The following ZNF337 variants were observed in gnomAD, a reference collection of about 807,000 sequenced individuals.
ZNF337 encodes the protein zinc finger protein 337.
In ZNF337, 8 loss-of-function variants were observed where a neutral mutation model predicts 12.1. That is an observed-to-expected ratio of 0.66 (90% confidence interval 0.39 to 1.19). The LOEUF (loss-of-function observed/expected upper bound fraction) is 1.19, where lower values mean the gene tolerates loss of function less well. ZNF337 is among the 50% of genes most tolerant of loss of function. The probability of loss-of-function intolerance (pLI) is 0.01; values close to 1 mark genes in which losing one functional copy is unlikely to be tolerated. For synonymous variants in ZNF337, 336 were observed against 320.0 expected, an observed-to-expected ratio of 1.05 and a Z score of -0.53; for missense variants, 882 against 896.6, an observed-to-expected ratio of 0.98 and a Z score of 0.21.
chr20:25,689,208 G>A (rs2065863215), intron 1 of ZNF337, among the ~76,000 whole-genome samples: 1 of 152,090 alleles, frequency 6.6e-6, no homozygotes, highest in African/African-American at 2.4e-5. Flanking sequence ...GGAGTCTGAG[G>A]CAGGAGAATG....
intron 1 of ZNF337, among the ~76,000 whole-genome samples, chr20:25,696,087 T>TCCCCCCCCCCCCCCCCCC (rs149644721): frequency 1.9e-5 from 1 of 52,106 alleles, no homozygotes. Context: ...CCCACGCAGA[T>TCCCCCCCCCCCCCCCCCC]CCCCCCCCCC....
intron 3 of ZNF337, 29 bp from the exon 4 acceptor site, chr20:25,685,691 G>C: frequency 1.3e-6 from 2 of 1,586,072 alleles, no homozygotes; most frequent in Non-Finnish European, 8.7e-7. Flanking sequence ...ACCATGAGGT[G>C]ACTCCTGGTT....
Position 25,676,349 on chromosome 20 carries a change from C to T in ZNF337, c.939G>A (p.Ala313=), listed in dbSNP as rs767602521. The change falls in exon 5 of 5, where the codon GCG becomes GCA. Residue 313 remains alanine (A), a synonymous_variant. Coordinates refer to ENST00000252979, the MANE Select transcript of ZNF337 (RefSeq NM_015655.4). The part of the protein sequence containing the change: ...DKSSYNKHLK[A]HSGEKPFVCK... Reference sequence around the variant, plus strand: ...ACACAAAAGGCTTCTCCCCTGAATGCGCCTTCAAGTGCTTGTTGTATGAGG... The same window carrying T: ...ACACAAAAGGCTTCTCCCCTGAATGTGCCTTCAAGTGCTTGTTGTATGAGG... The T allele has an allele frequency of 2.5e-5, 40 of 1,612,366 alleles. No individual in the cohort carries two copies. The highest frequency in any genetic ancestry group is 6.7e-5 in the East Asian group (3 of 44,768).
intron 1 of ZNF337, among the ~76,000 whole-genome samples, chr20:25,687,150 A>C (rs549020927): frequency 2.9e-4 from 44 of 152,338 alleles, no homozygotes; most frequent in Non-Finnish European, 5.4e-4. Context: ...TTTTAAAAAC[A>C]TGAGCCCTTC....
intron 4 of ZNF337, among the ~76,000 whole-genome samples, chr20:25,681,483 A>G (rs1490169004): frequency 6.6e-6 from 1 of 152,130 alleles, no homozygotes; most frequent in African/African-American, 2.4e-5. Flanking sequence ...TTTGCAGACA[A>G]TAGGACAAAG....
chr20:25,696,649 G>A (rs1433985148), intron 1 of ZNF337, 110 bp downstream of exon 1: 1 of 777,394 alleles, frequency 1.3e-6, no homozygotes, highest in African/African-American at 1.9e-5. Flanking sequence ...GGGCCTGGAG[G>A]AGCGCGCGCT....
In ZNF337 at chr20:25,696,668, A is replaced by T. The variant is rs189339807; in HGVS notation, c.-50+91T>A. 1.1e-4 allele frequency: 96 copies of T among 879,398 alleles called. 1 individual carries two copies. The East Asian group carries it at 9.4e-3, about 86-fold the overall frequency. 54.5% of individuals were successfully genotyped at this position (879,398 alleles called of 1,614,324 possible). ...CTGGAGGAGCGCGCGCTACGGCCCC[A>T]GCAGCGCCCTCACGTCCCAGGCCTT... On this transcript the variant is annotated intron_variant, in intron 1 of 4. Transcript: ENST00000252979.
Position 25,675,001 on chromosome 20 carries a change from T to C in ZNF337, c.*31A>G, listed in dbSNP as rs778026408. 2.5e-6 allele frequency: 4 copies of C among 1,588,388 alleles called. No homozygotes were observed. The East Asian group carries it at 6.7e-5, about 27-fold the overall frequency. ...AACAAAGCAAAGTTACTCTCCTGAGTGTGTCCTCTGATGGATGGTGAGATA... is the reference window on the plus strand; with the variant it reads ...AACAAAGCAAAGTTACTCTCCTGAGCGTGTCCTCTGATGGATGGTGAGATA... On this transcript the variant is annotated 3_prime_UTR_variant, in exon 5 of 5. Coordinates refer to ENST00000252979, the MANE Select transcript of ZNF337 (RefSeq NM_015655.4).
intron 1 of ZNF337, among the ~76,000 whole-genome samples, chr20:25,691,162 G>A (rs545888904): frequency 5.3e-5 from 8 of 152,214 alleles, no homozygotes; most frequent in Non-Finnish European, 1.2e-4. Flanking sequence ...TTCTGGACCC[G>A]AAAACACAGT....
In ZNF337 at chr20:25,676,833, A is replaced by G; in HGVS notation, c.455T>C (p.Ile152Thr). Residue 152 changes from isoleucine to threonine, a missense_variant, in exon 5 of 5, where the codon ATA becomes ACA. Transcript: ENST00000252979. ...TTCCCTCTGGCCTTGACTAGACTCT[A>G]TTTCCACTACACTGTTCCTCCTCCT... ...SSRRRNSVVE[I>T]ESSQGQRENP... 1 of 1,613,934 alleles carries G rather than the reference A, an allele frequency of 6.2e-7. No individual in the cohort carries two copies.
At chr20:25,679,502 A>G (rs2065745080) in intron 4 of ZNF337, among the ~76,000 whole-genome samples, 1 of 152,220 alleles carries the variant, frequency 6.6e-6, no homozygotes, top group Admixed American at 6.5e-5. Flanking sequence ...AAGTGGGAAA[A>G]GGATCTGAAT....
At chr20:25,689,855 C>T (rs2122456068) in intron 1 of ZNF337, among the ~76,000 whole-genome samples, 1 of 152,236 alleles carries the variant, frequency 6.6e-6, no homozygotes, top group Non-Finnish European at 1.5e-5. Context: ...ACAGAAAAAG[C>T]ATTAATCATA....
chr20:25,685,095 T>G, intron 4 of ZNF337, among the ~76,000 whole-genome samples: 1 of 149,650 alleles, frequency 6.7e-6, no homozygotes, highest in Non-Finnish European at 1.5e-5. Flanking sequence ...CTGCATGTTG[T>G]GCACATATAC....
chr20:25,677,548 TTTTGAGACAGGGTCTC>T (rs1238094081), intron 4 of ZNF337: 1 of 152,852 alleles, frequency 6.5e-6, no homozygotes, highest in African/African-American at 2.4e-5. Flanking sequence ...AACTTTTTTT[TTTTGAGACAGGGTCTC>T]ACTCTGTCAC....
chr20:25,676,310 C>G lies in ZNF337; in HGVS notation c.978G>C (p.Gly326=), dbSNP rs2065687822. 1 of 1,613,400 alleles carries G rather than the reference C, an allele frequency of 6.2e-7. No individual in the cohort carries two copies. The highest frequency in any genetic ancestry group is 8.5e-7 in the Non-Finnish European group (1 of 1,179,794). Residue 326 remains glycine, a synonymous_variant, in exon 5 of 5, where the codon GGG becomes GGC. Coordinates refer to ENST00000252979, the MANE Select transcript of ZNF337 (RefSeq NM_015655.4). The part of the protein sequence containing the change: ...GEKPFVCKEC[G]RGYTNKSYFV... ...AGTATGACTTATTAGTATAGCCTCG[C>G]CCACACTCCTTGCACACAAAAGGCT...
intron 1 of ZNF337, among the ~76,000 whole-genome samples, chr20:25,687,597 T>C (rs1294237607): frequency 6.6e-6 from 1 of 151,976 alleles, no homozygotes; most frequent in Non-Finnish European, 1.5e-5. Context: ...GAAAAGAAAA[T>C]AAAACTAGGG....
intron 1 of ZNF337, among the ~76,000 whole-genome samples, chr20:25,695,261 A>G (rs1053134732): frequency 6.6e-6 from 1 of 151,982 alleles, no homozygotes; most frequent in African/African-American, 2.4e-5. Flanking sequence ...ACAGAGCAAG[A>G]CTCTCTCTAA....
At position 25,685,629 on chromosome 20, in the gene ZNF337, C is replaced by T. The variant is rs147285771; in HGVS notation, c.188G>A (p.Arg63Gln). The T allele has an allele frequency of 6.1e-5, 98 of 1,614,060 alleles. No homozygotes were observed. Among genetic ancestry groups the T allele is most frequent in the Non-Finnish European group, 7.9e-5 (93 of 1,180,030 alleles). Residue 63 changes from arginine (R) to glutamine (Q), a missense_variant, in exon 4 of 5, where the codon CGG (arginine) becomes CAG (glutamine). Arg to Gln is a conservative substitution (Grantham distance 43). Coordinates refer to ENST00000252979, the MANE Select transcript of ZNF337 (RefSeq NM_015655.4). ...ILHSKPELIRRLEQGEVPWGE... is the reference protein window; with the variant it reads ...ILHSKPELIRQLEQGEVPWGE... ...CCAGGGCACTTCCCCTTGCTCTAGCCGCCTGATGAGTTCTGGTTTAGAATG... is the reference window on the plus strand; with the variant it reads ...CCAGGGCACTTCCCCTTGCTCTAGCTGCCTGATGAGTTCTGGTTTAGAATG...
rs531585849 is a variant in ZNF337 at position 25,676,111 on chromosome 20, TGAG to T, written c.1174_1176del (p.Leu392del). The stretch of plus-strand genomic sequence containing the variant: ...TCCCCTGAGTGTGTTCTCTGGTGTC[TGAG>T]GAGACTTCCTTTCACGCTAAAACTT... On this transcript the variant is annotated inframe_deletion, in exon 5 of 5. Transcript: ENST00000252979. The T allele has an allele frequency of 3.2e-4, 521 of 1,613,944 alleles. 1 individual carries two copies. Among genetic ancestry groups the T allele is most frequent in the Middle Eastern group, 9.9e-4 (6 of 6,060 alleles).
Sources: allele counts gnomAD v4.1 joint callset (sites outside exome capture counted in the v4.1 genomes callset), GRCh38; gene constraint gnomAD v4.1.1; transcripts MANE v1.5; gene names NCBI Gene and HGNC (gene_info 2026-07-23, HGNC 2026-07-21).